The following SEM1 variants were observed in gnomAD, a reference collection of about 807,000 sequenced individuals.
SEM1 encodes the protein SEM1 26S proteasome subunit, also known as 26S proteasome complex subunit SEM1.
In SEM1, 3 loss-of-function variants were observed where a neutral mutation model predicts 12.7. That is an observed-to-expected ratio of 0.24 (90% CI 0.11 to 0.61). The LOEUF is 0.61. SEM1 is among the 20% of genes least tolerant of loss of function. The probability of loss-of-function intolerance (pLI) is 0.88; values close to 1 mark genes in which losing one functional copy is unlikely to be tolerated. For missense variants in SEM1, 59 were observed against 81.3 expected, an observed-to-expected ratio of 0.73 and a Z score of 1.06; for synonymous variants, 30 against 27.8, an observed-to-expected ratio of 1.08 and a Z score of -0.25.
intron 2 of SEM1, among the ~76,000 whole-genome samples, chr7:96,566,777 A>C (rs914764666): frequency 6.6e-6 from 1 of 151,648 alleles, no homozygotes; most frequent in Non-Finnish European, 1.5e-5. Context: ...TTCCTTTTGT[A>C]GTGATTAAAT....
At chr7:96,586,379 A>G (rs1308488476) in intron 2 of SEM1, among the ~76,000 whole-genome samples, 1 of 152,188 alleles carries the variant, frequency 6.6e-6, no homozygotes, top group Non-Finnish European at 1.5e-5. Flanking sequence ...ATGTGTGAAA[A>G]TGGGTAAGAG....
intron 2 of SEM1, among the ~76,000 whole-genome samples, chr7:96,533,204 TG>T (rs1467355164): frequency 6.6e-6 from 1 of 152,060 alleles, no homozygotes; most frequent in African/African-American, 2.4e-5. Context: ...TTCATCAAAA[TG>T]AAACTGTCCC....
chr7:96,557,793 G>A (rs61609163), intron 2 of SEM1, among the ~76,000 whole-genome samples: 14,674 of 151,796 alleles, frequency 0.097, 716 homozygotes, highest in South Asian at 0.14. Flanking sequence ...CCCCAGCCTC[G>A]CTGCCGCCTT....
intron 2 of SEM1, chr7:96,645,935 A>C (rs1024357404): frequency 2.5e-6 from 1 of 398,248 alleles, no homozygotes; most frequent in Non-Finnish European, 4.4e-6. Context: ...TGCTGTGTCT[A>C]CCTTCCACAA....
chr7:96,613,748 CTTT>C (rs977064552), intron 2 of SEM1, among the ~76,000 whole-genome samples: 2 of 152,184 alleles, frequency 1.3e-5, no homozygotes, highest in African/African-American at 4.8e-5. Context: ...TTATCTACTT[CTTT>C]GAGTTTGACA....
At chr7:96,501,121 G>A (rs188091160), upstream of SEM1, among the ~76,000 whole-genome samples, 18 of 152,164 alleles carry the variant, frequency 1.2e-4, no homozygotes, top group East Asian at 1.5e-3. Flanking sequence ...CCCTCTGCAC[G>A]TTCTAAGTAA....
chr7:96,556,291 G>T (rs1805495866), intron 2 of SEM1, among the ~76,000 whole-genome samples: 1 of 151,466 alleles, frequency 6.6e-6, no homozygotes, highest in African/African-American at 2.4e-5. Flanking sequence ...AGTCTCAATG[G>T]TCTTTACATT....
At chr7:96,695,891 T>C (rs1021062859) in intron 1 of SEM1, 1 of 151,892 alleles carries the variant, frequency 6.6e-6, no homozygotes, top group Non-Finnish European at 1.5e-5. Flanking sequence ...TATAAAATAA[T>C]ATTTTACACT....
exon 2 of SEM1, chr7:96,486,204 T>A (rs1802751185): frequency 1.3e-6 from 2 of 1,534,636 alleles, no homozygotes; most frequent in South Asian, 2.4e-5. Context: ...TCTGCTTACC[T>A]GCAGACCCAG....
chr7:96,507,375 A>T (rs867091008), intron 2 of SEM1, among the ~76,000 whole-genome samples: 1 of 152,106 alleles, frequency 6.6e-6, no homozygotes, highest in African/African-American at 2.4e-5. Flanking sequence ...TGCTAACTCT[A>T]TCCTGAATCA....
downstream of SEM1, among the ~76,000 whole-genome samples, chr7:96,687,218 G>A (rs1789787283): frequency 6.6e-6 from 1 of 152,188 alleles, no homozygotes; most frequent in South Asian, 2.1e-4. Context: ...CATTGTGGAA[G>A]TCAGTGTGGC....
chr7:96,496,294 A>G (rs1180952466), exon 1 of SEM1: 1 of 1,520,814 alleles, frequency 6.6e-7, no homozygotes, highest in South Asian at 1.2e-5. Flanking sequence ...CTGGCAATAC[A>G]TGTTCTTCCT....
intron 2 of SEM1, among the ~76,000 whole-genome samples, chr7:96,598,370 T>C (rs1807070646): frequency 6.6e-6 from 1 of 151,556 alleles, no homozygotes; most frequent in South Asian, 2.1e-4. Context: ...TTTTTTTAAA[T>C]ATTGTATAAA....
chr7:96,557,900 G>GT (rs1467082016), intron 2 of SEM1, among the ~76,000 whole-genome samples: 2 of 152,204 alleles, frequency 1.3e-5, no homozygotes, highest in Non-Finnish European at 2.9e-5. Flanking sequence ...GTGGTGAGCC[G>GT]TTTTTTAAGG....
At chr7:96,537,062 G>A (rs575895350) in intron 2 of SEM1, among the ~76,000 whole-genome samples, 170 of 151,544 alleles carry the variant, frequency 1.1e-3, no homozygotes, top group African/African-American at 4.1e-3. Context: ...AAATATTATT[G>A]TATCAATTTT....
intron 2 of SEM1, among the ~76,000 whole-genome samples, chr7:96,599,875 A>T (rs59548887): frequency 6.6e-6 from 1 of 152,214 alleles, no homozygotes; most frequent in African/African-American, 2.4e-5. Context: ...AAATATACAG[A>T]TCCATTCTGA....
At chr7:96,620,821 A>G (rs1036736954), downstream of SEM1, among the ~76,000 whole-genome samples, 64 of 151,396 alleles carry the variant, frequency 4.2e-4, no homozygotes, top group African/African-American at 1.5e-3. Context: ...TGCTCACTCT[A>G]TGTTATGTTT....
chr7:96,552,262 A>T (rs139442906), intron 2 of SEM1, among the ~76,000 whole-genome samples: 6,692 of 151,976 alleles, frequency 0.044, 519 homozygotes, highest in African/African-American at 0.15. Flanking sequence ...ACATATGTAT[A>T]CATGTGCCAT....
At chr7:96,628,066 T>C (rs1481712359) in intron 2 of SEM1, among the ~76,000 whole-genome samples, 4 of 152,058 alleles carry the variant, frequency 2.6e-5, no homozygotes, top group Non-Finnish European at 5.9e-5. Flanking sequence ...AAATCTATTT[T>C]GTCTGATATA....
Sources: allele counts gnomAD v4.1 joint callset (sites outside exome capture counted in the v4.1 genomes callset), GRCh38; gene constraint gnomAD v4.1.1; transcripts MANE v1.5; gene names NCBI Gene and HGNC (gene_info 2026-07-23, HGNC 2026-07-21).